Variants in NLRP8 observed in about 807,000 individuals in gnomAD.
NLRP8 encodes NLR family pyrin domain containing 8.
A neutral mutation model predicts 88.7 loss-of-function variants in NLRP8; 86 were observed. That is an observed-to-expected ratio of 0.97 (90% confidence interval 0.81 to 1.16). The LOEUF (loss-of-function observed/expected upper bound fraction) is 1.16. NLRP8 is among the 50% of genes most tolerant of loss of function. The probability of loss-of-function intolerance (pLI) is 0.00; values close to 1 mark genes in which losing one functional copy is unlikely to be tolerated. For missense variants in NLRP8, 1,342 were observed against 1,286.5 expected, an observed-to-expected ratio of 1.04 and a Z score of -0.66; for synonymous variants, 504 against 494.6, an observed-to-expected ratio of 1.02 and a Z score of -0.25.
intron 4 of NLRP8, among the ~76,000 whole-genome samples, chr19:55,964,493 G>A (rs1002291241): frequency 2.0e-5 from 3 of 152,150 alleles, no homozygotes; most frequent in East Asian, 1.9e-4. Context: ...GGCTCACGCC[G>A]GTAATCCCAG....
At position 55,962,051 on chromosome 19, in the gene NLRP8, T is replaced by C; in HGVS notation, c.2043-16T>C. The C allele has an allele frequency of 6.2e-7, 1 of 1,610,468 alleles. No individual in the cohort carries two copies. On this transcript the variant is annotated splice_polypyrimidine_tract_variant and intron_variant, in intron 3 of 9. Coordinates refer to ENST00000291971, the MANE Select transcript of NLRP8 (RefSeq NM_176811.2). ...TTTAACGAAGAGGTGTTTTCTCTCT[T>C]CTCCCTTCCATGTAGAGCGCCAGAG...
chr19:55,986,412 TCA>T (rs1980815652), intron 9 of NLRP8, among the ~76,000 whole-genome samples: 1 of 148,016 alleles, frequency 6.8e-6, no homozygotes, highest in African/African-American at 2.5e-5. Context: ...TGTCTCTGTC[TCA>T]CACATTCTCT....
At chr19:55,956,744 C>T (rs1027412706) in intron 3 of NLRP8, among the ~76,000 whole-genome samples, 1 of 152,116 alleles carries the variant, frequency 6.6e-6, no homozygotes, top group Non-Finnish European at 1.5e-5. Flanking sequence ...CTTGTTCACC[C>T]TCCCTCCCTC....
chr19:55,986,752 G>A (rs1222816792), intron 9 of NLRP8, among the ~76,000 whole-genome samples: 1 of 152,158 alleles, frequency 6.6e-6, no homozygotes, highest in Non-Finnish European at 1.5e-5. Flanking sequence ...GCTGGGCGTG[G>A]CCTTCTTTTT....
chr19:55,984,655 C>CAAAA (rs149144840), intron 9 of NLRP8, among the ~76,000 whole-genome samples: 1 of 51,418 alleles, frequency 1.9e-5, no homozygotes, highest in Non-Finnish European at 4.3e-5. Flanking sequence ...ACACTGTCTC[C>CAAAA]AAAAAAAAAA....
chr19:55,979,912 C>A (rs1402953383), intron 9 of NLRP8, among the ~76,000 whole-genome samples: 1 of 152,186 alleles, frequency 6.6e-6, no homozygotes, highest in African/African-American at 2.4e-5. Flanking sequence ...GAGTGAGACC[C>A]TGTCTCTTAA....
At chr19:55,963,604 C>T (rs1238759697) in intron 4 of NLRP8, among the ~76,000 whole-genome samples, 1 of 151,988 alleles carries the variant, frequency 6.6e-6, no homozygotes, top group African/African-American at 2.4e-5. Context: ...GGCTGGAGTA[C>T]AGTGGCATGA....
At chr19:55,972,875 T>C (rs112685547) in intron 6 of NLRP8, among the ~76,000 whole-genome samples, 2,919 of 151,618 alleles carry the variant, frequency 0.019, 44 homozygotes, top group Middle Eastern at 0.034. Context: ...TTATGGGCAT[T>C]TGGGCTGGTT....
chr19:55,948,482 C>G (rs1035920704), intron 1 of NLRP8, among the ~76,000 whole-genome samples: 1 of 152,188 alleles, frequency 6.6e-6, no homozygotes. Context: ...CTTGCCCAGG[C>G]TGAAGTGCAA....
intron 7 of NLRP8, 81 bp downstream of exon 7, chr19:55,973,903 T>C: frequency 1.4e-6 from 2 of 1,390,092 alleles, no homozygotes; most frequent in Non-Finnish European, 2.0e-6. Flanking sequence ...TATTCATTTA[T>C]GTCACATATT....
At chr19:55,965,261 G>T (rs141568335) in intron 4 of NLRP8, among the ~76,000 whole-genome samples, 2 of 152,234 alleles carry the variant, frequency 1.3e-5, no homozygotes, top group Non-Finnish European at 2.9e-5. Flanking sequence ...GACCAGCCTG[G>T]CCAACATAAT....
intron 6 of NLRP8, among the ~76,000 whole-genome samples, chr19:55,972,620 A>G (rs1217614957): frequency 6.6e-6 from 1 of 150,512 alleles, no homozygotes; most frequent in Non-Finnish European, 1.5e-5. Context: ...CCAGTCTGTC[A>G]TTCTTATGCC....
At chr19:55,969,384 C>T (rs1979978326) in intron 5 of NLRP8, among the ~76,000 whole-genome samples, 1 of 152,182 alleles carries the variant, frequency 6.6e-6, no homozygotes, top group African/African-American at 2.4e-5. Flanking sequence ...CCCTGAGTTA[C>T]TTAGAATAAT....
chr19:55,959,885 C>T (rs1044433365), intron 3 of NLRP8, among the ~76,000 whole-genome samples: 4 of 152,194 alleles, frequency 2.6e-5, no homozygotes, highest in African/African-American at 7.2e-5. Context: ...AGACCTTCCT[C>T]TGGAGCCTTA....
chr19:55,973,792 C>T lies in NLRP8; in HGVS notation c.2675C>T (p.Pro892Leu), dbSNP rs150726074. Residue 892 changes from proline to leucine, a missense_variant, in exon 7 of 10, where the codon CCA (proline) becomes CTA (leucine). By Grantham distance (98) the Pro-to-Leu change is moderately conservative. Coordinates refer to ENST00000291971, the MANE Select transcript of NLRP8 (RefSeq NM_176811.2). Reference sequence around the variant, plus strand: ...GCCAAGCATATTTGGAATGCCCTGCCACACCTGAGATGTCCTCTGCAGAGG... The same window carrying T: ...GCCAAGCATATTTGGAATGCCCTGCTACACCTGAGATGTCCTCTGCAGAGG... 3.4e-4 allele frequency: 546 copies of T among 1,613,920 alleles called. No individual in the cohort carries two copies. Among genetic ancestry groups the T allele is most frequent in the Non-Finnish European group, 4.5e-4 (529 of 1,179,882 alleles).
At chr19:55,966,795 G>A (rs1223376108) in intron 5 of NLRP8, among the ~76,000 whole-genome samples, 4 of 152,076 alleles carry the variant, frequency 2.6e-5, no homozygotes, top group East Asian at 1.9e-4. Context: ...CAGCCTGAGC[G>A]ACAGAGGGCG....
At chr19:55,976,066 TGTTGTTGTTGTTGTTGTTTTGTTGTA>T in intron 7 of NLRP8, 41 bp from the exon 8 acceptor site, 1 of 1,178,970 alleles carries the variant, frequency 8.5e-7, no homozygotes, top group Non-Finnish European at 1.2e-6. Flanking sequence ...GTGTTTTCGT[TGTTGTTGTTGTTGTTGTTTTGTTGTA>T]GTTGTTGTTG....
At chr19:55,983,187 G>C (rs914766693) in intron 9 of NLRP8, among the ~76,000 whole-genome samples, 1 of 152,292 alleles carries the variant, frequency 6.6e-6, no homozygotes, top group Non-Finnish European at 1.5e-5. Flanking sequence ...AAGTAGGCCA[G>C]GTGCGGTGGC....
rs555306633 is a variant in NLRP8 at position 55,962,571 on chromosome 19, C to T, written c.2213+334C>T. ...GGGTCACGGAATTCCTGACATCTCCCTGGTGCACTTCAATGCGCCCATCCA... is the reference window on the plus strand; with the variant it reads ...GGGTCACGGAATTCCTGACATCTCCTTGGTGCACTTCAATGCGCCCATCCA... On this transcript the variant is annotated intron_variant, in intron 4 of 9. Coordinates refer to ENST00000291971, the MANE Select transcript of NLRP8 (RefSeq NM_176811.2). Among the ~76,000 whole-genome samples, 34 of 152,310 alleles carry T rather than the reference C, an allele frequency of 2.2e-4. No homozygotes were observed. The South Asian group carries it at 5.4e-3, about 24-fold the overall frequency.
Sources: gnomAD v4.1 joint callset for allele counts (sites outside exome capture counted in the v4.1 genomes callset) on GRCh38, gnomAD v4.1.1 for gene constraint, MANE v1.5 for transcripts, NCBI Gene and HGNC (gene_info 2026-07-23, HGNC 2026-07-21) for gene names.